Variants in NCOA3 observed in about 807,000 individuals in gnomAD.
NCOA3 encodes CBP-interacting protein.
Under a neutral mutation model 158.8 loss-of-function variants are expected in NCOA3, and 51 were observed. That is an observed-to-expected ratio of 0.32 (90% CI 0.26 to 0.41). The LOEUF (loss-of-function observed/expected upper bound fraction) is 0.41, where lower values mean the gene tolerates loss of function less well. Among genes scored for constraint, NCOA3 ranks in the 10% least tolerant of loss-of-function variants. The pLI, the probability that NCOA3 is intolerant of heterozygous loss-of-function variation, is 1.00. For missense variants in NCOA3, 1,510 were observed against 1,746.6 expected (o/e 0.86, Z 2.41); for synonymous variants, 537 against 592.4 (o/e 0.91, Z 1.36).
intron 2 of NCOA3, among the ~76,000 whole-genome samples, chr20:47,603,590 G>A (rs182976383): frequency 6.6e-6 from 1 of 152,364 alleles, no homozygotes; most frequent in East Asian, 1.9e-4. Context: ...GTCACACACG[G>A]ACTTGAGGAT....
At chr20:47,529,524 C>T (rs867782208) in intron 1 of NCOA3, among the ~76,000 whole-genome samples, 9 of 152,098 alleles carry the variant, frequency 5.9e-5, no homozygotes, top group Non-Finnish European at 1.0e-4. Flanking sequence ...GTGATTCTTG[C>T]GCCTCAGCCT....
intron 1 of NCOA3, among the ~76,000 whole-genome samples, chr20:47,503,278 G>C (rs1334410235): frequency 2.0e-5 from 3 of 152,208 alleles, no homozygotes; most frequent in African/African-American, 7.2e-5. Context: ...AAAAATCTTA[G>C]GTCTTCAGCG....
intron 1 of NCOA3, among the ~76,000 whole-genome samples, chr20:47,557,187 A>G (rs2085020723): frequency 6.6e-6 from 1 of 152,200 alleles, no homozygotes; most frequent in African/African-American, 2.4e-5. Context: ...GATATCTTTC[A>G]TATTTGGCTG....
intron 1 of NCOA3, among the ~76,000 whole-genome samples, chr20:47,505,107 G>A (rs2146039011): frequency 7.8e-6 from 1 of 128,540 alleles, no homozygotes; most frequent in East Asian, 2.3e-4. Flanking sequence ...TGTTGCCCAG[G>A]CTGGAGTGCA....
chr20:47,626,726 G>C (rs568350929), intron 5 of NCOA3, among the ~76,000 whole-genome samples: 6 of 152,302 alleles, frequency 3.9e-5, no homozygotes, highest in South Asian at 2.1e-4. Flanking sequence ...GGATCAAGGT[G>C]TCAGCAGGAT....
intron 2 of NCOA3, among the ~76,000 whole-genome samples, chr20:47,608,424 GC>G (rs2085984529): frequency 6.6e-6 from 1 of 152,052 alleles, no homozygotes; most frequent in Admixed American, 6.6e-5. Flanking sequence ...AATTGCTTGA[GC>G]CTAGGAGTTG....
At position 47,603,058 on chromosome 20, in the gene NCOA3, C is replaced by T. The variant is rs573063589; in HGVS notation, c.-19-19171C>T. On this transcript the variant is annotated intron_variant, in intron 2 of 22. Transcript: ENST00000371998. Reference sequence around the variant, plus strand: ...CAAATGCCTTTCCTAATAAGAGTTCCGTTTCTACAAATTCTTTTGACAGAG... The same window carrying T: ...CAAATGCCTTTCCTAATAAGAGTTCTGTTTCTACAAATTCTTTTGACAGAG... Among the ~76,000 whole-genome samples the T allele has an allele frequency of 1.3e-4, 20 of 152,266 alleles. No individual in the cohort carries two copies. The East Asian group carries it at 3.3e-3, about 25-fold the overall frequency.
chr20:47,626,982 A>G lies in NCOA3; in HGVS notation c.358-20A>G, dbSNP rs2086332535. ...TACAATTCAGTCCATAACAGCCTGT[A>G]TTAACATATCCTATTTTAGGCATTG... On this transcript the variant is annotated intron_variant, in intron 5 of 22. Coordinates refer to ENST00000371998, the MANE Select transcript of NCOA3 (RefSeq NM_181659.3). 1.2e-6 allele frequency: 2 copies of G among 1,600,388 alleles called. No homozygotes were observed. Among genetic ancestry groups the G allele is most frequent in the Non-Finnish European group, 1.7e-6 (2 of 1,171,008 alleles).
intron 12 of NCOA3, 125 bp downstream of exon 12, chr20:47,636,887 TATA>T: frequency 1.1e-6 from 1 of 888,722 alleles, no homozygotes; most frequent in Non-Finnish European, 1.7e-6. Flanking sequence ...CTCATTTCTT[TATA>T]ATTATTTTGG....
chr20:47,631,193 G>C (rs539283445), intron 8 of NCOA3: 1 of 152,222 alleles, frequency 6.6e-6, no homozygotes, highest in Non-Finnish European at 1.5e-5. Flanking sequence ...GATGTCCTCA[G>C]TAATTAGTCT....
intron 14 of NCOA3, 110 bp from the exon 15 acceptor site, chr20:47,639,467 A>T: frequency 7.1e-7 from 1 of 1,409,754 alleles, no homozygotes; most frequent in Non-Finnish European, 9.7e-7. Flanking sequence ...TTACCATGAC[A>T]AAGTGCTGTT....
At chr20:47,629,184 A>C (rs1420352714) in intron 8 of NCOA3, among the ~76,000 whole-genome samples, 1 of 152,214 alleles carries the variant, frequency 6.6e-6, no homozygotes, top group African/African-American at 2.4e-5. Context: ...TTTTTAAAGA[A>C]ATATTGCTAT....
chr20:47,579,025 A>G (rs972759202), intron 1 of NCOA3, among the ~76,000 whole-genome samples: 4 of 152,084 alleles, frequency 2.6e-5, no homozygotes, highest in East Asian at 1.9e-4. Flanking sequence ...CCTCTCCCCA[A>G]TTTTATTCTT....
chr20:47,632,689 G>GA (rs1294687930), intron 8 of NCOA3, among the ~76,000 whole-genome samples: 15 of 141,316 alleles, frequency 1.1e-4, no homozygotes, highest in Non-Finnish European at 1.7e-4. Context: ...GCTGGCCCGA[G>GA]TTTTTTTTTT....
intron 1 of NCOA3, among the ~76,000 whole-genome samples, chr20:47,555,827 A>T (rs747749126): frequency 3.5e-5 from 5 of 144,904 alleles, no homozygotes. Flanking sequence ...TATTTTTAGT[A>T]GAGATGGGGT....
At chr20:47,508,492 A>G (rs1194251608) in intron 1 of NCOA3, among the ~76,000 whole-genome samples, 1 of 152,218 alleles carries the variant, frequency 6.6e-6, no homozygotes, top group East Asian at 1.9e-4. Flanking sequence ...GCATTTGAGA[A>G]CTTTAGTACA....
chr20:47,577,157 A>C (rs957732993), intron 1 of NCOA3, among the ~76,000 whole-genome samples: 1 of 152,228 alleles, frequency 6.6e-6, no homozygotes, highest in African/African-American at 2.4e-5. Flanking sequence ...TGTATGGCAT[A>C]ATTTCCTGGA....
intron 1 of NCOA3, among the ~76,000 whole-genome samples, chr20:47,572,820 C>T (rs191025646): frequency 4.2e-4 from 64 of 152,174 alleles, no homozygotes; most frequent in Non-Finnish European, 7.5e-4. Flanking sequence ...TACAGGGGTG[C>T]GCCACCATGC....
chr20:47,529,175 C>T (rs1049742476), intron 1 of NCOA3, among the ~76,000 whole-genome samples: 1 of 151,398 alleles, frequency 6.6e-6, no homozygotes, highest in Non-Finnish European at 1.5e-5. Context: ...CTCTAGTCCC[C>T]CAGGCTGGAG....
Sources: allele counts gnomAD v4.1 joint callset (sites outside exome capture counted in the v4.1 genomes callset), GRCh38; gene constraint gnomAD v4.1.1; transcripts MANE v1.5; gene names NCBI Gene and HGNC (gene_info 2026-07-23, HGNC 2026-07-21).